The following BEGAIN variants were observed in gnomAD, a reference collection of about 807,000 sequenced individuals.
BEGAIN encodes brain enriched guanylate kinase associated, also known as brain-enriched guanylate kinase-associated protein.
A neutral mutation model predicts 35.8 loss-of-function variants in BEGAIN; 19 were observed. The ratio of observed to expected loss-of-function variants is 0.53; its 90% CI spans 0.37 to 0.78. The LOEUF (loss-of-function observed/expected upper bound fraction) is 0.78, where lower values mean the gene tolerates loss of function less well. Among genes scored for constraint, BEGAIN ranks in the 30% least tolerant of loss-of-function variants. BEGAIN has a pLI of 0.00. For synonymous variants in BEGAIN, 462 were observed against 388.6 expected (o/e 1.19, Z -2.22); for missense variants, 795 against 853.6 (o/e 0.93, Z 0.85).
At chr14:100,566,353 G>C (rs2034681020) in intron 2 of BEGAIN, among the ~76,000 whole-genome samples, 1 of 152,254 alleles carries the variant, frequency 6.6e-6, no homozygotes, top group Admixed American at 6.5e-5. Context: ...TCTGTCCTCA[G>C]TGCCTGGCAC....
intron 4 of BEGAIN, 137 bp downstream of exon 4, chr14:100,544,863 A>AGGGTGTTC (rs1191471191): frequency 1.1e-6 from 1 of 897,146 alleles, no homozygotes; most frequent in Non-Finnish European, 1.8e-6. Flanking sequence ...ACCCTGCTCC[A>AGGGTGTTC]CATGTTCCAT....
At chr14:100,541,651 G>A (rs1357797571) in intron 5 of BEGAIN, among the ~76,000 whole-genome samples, 5 of 152,150 alleles carry the variant, frequency 3.3e-5, no homozygotes, top group Non-Finnish European at 2.9e-5. Flanking sequence ...AGGGCTGCAG[G>A]CACTGCCCAG....
At chr14:100,574,455 G>A (rs1249736084) in intron 1 of BEGAIN, among the ~76,000 whole-genome samples, 4 of 151,382 alleles carry the variant, frequency 2.6e-5, no homozygotes, top group Non-Finnish European at 5.9e-5. Context: ...TGGTGACTGC[G>A]AACTGGCCTC....
rs2034004192 is a variant in BEGAIN at position 100,558,981 on chromosome 14, G to T, written c.71+8930C>A. On this transcript the variant is annotated intron_variant, in intron 2 of 6. Transcript: ENST00000554140. The surrounding 1 kb of genome is among the most constrained non-coding windows in gnomAD (Gnocchi z 4.6). ...TGTGGCCGGAGCCTGGGGCCTGGGG[G>T]TTGTTGGGGGGAGCAGACAAGGGGT... Among the ~76,000 whole-genome samples the T allele has an allele frequency of 6.6e-6, 1 of 152,136 alleles. No homozygotes were observed. Among genetic ancestry groups the T allele is most frequent in the African/African-American group, 2.4e-5 (1 of 41,420 alleles).
In BEGAIN at chr14:100,568,423, G is replaced by A. The variant is rs1407508385; in HGVS notation, c.43-484C>T. On this transcript the variant is annotated intron_variant, in intron 1 of 6. Transcript: ENST00000554140. This position sits in a 1 kb window ranked among gnomAD's most constrained non-coding sequence, Gnocchi z 7.5. The stretch of plus-strand genomic sequence containing the variant: ...TGTTGGGGAATTCGGGGCCGTGCAG[G>A]ATTGCAGAACCTGACACTCACACAA... 7.8e-7 allele frequency: 1 copy of A among 1,280,880 alleles called. No individual in the cohort carries two copies. The highest frequency in any genetic ancestry group is 1.0e-6 in the Non-Finnish European group (1 of 983,686). The allele number at this position is 1,280,880 out of a possible 1,614,324, so 79.3% of individuals were successfully genotyped here. A position where few individuals can be genotyped will look rare whatever the true frequency, so the allele number is the denominator to read the frequency against.
At position 100,563,783 on chromosome 14, in the gene BEGAIN, C is replaced by T. The variant is rs1316129162; in HGVS notation, c.71+4128G>A. 3.3e-5 allele frequency among the ~76,000 whole-genome samples: 5 copies of T among 152,220 alleles called. 1 individual carries two copies. Among genetic ancestry groups the T allele is most frequent in the Admixed American group, 1.3e-4 (2 of 15,290 alleles). Reference sequence around the variant, plus strand: ...GTTTCCTAAGGTGGCCCAGGCTGCACAGTGCCCGGCAGTCTGCCAGGGAAC... The same window carrying T: ...GTTTCCTAAGGTGGCCCAGGCTGCATAGTGCCCGGCAGTCTGCCAGGGAAC... On this transcript the variant is annotated intron_variant, in intron 2 of 6. Coordinates refer to ENST00000554140, the MANE Select transcript of BEGAIN (RefSeq NM_001385089.1). The surrounding 1 kb of genome is among the most constrained non-coding windows in gnomAD (Gnocchi z 4.2).
intron 2 of BEGAIN, among the ~76,000 whole-genome samples, chr14:100,557,286 G>A (rs116543082): frequency 0.018 from 2,721 of 152,328 alleles, 78 homozygotes; most frequent in African/African-American, 0.057. Flanking sequence ...AGGAGGCATC[G>A]GGGCAGGGAA....
intron 2 of BEGAIN, chr14:100,546,970 C>T (rs2032608290): frequency 7.6e-6 from 2 of 263,306 alleles, no homozygotes; most frequent in African/African-American, 4.5e-5. Context: ...AGTCTTTGAC[C>T]CCAGAACCTG....
chr14:100,538,007 G>A lies in BEGAIN; in HGVS notation c.1801C>T (p.Leu601Phe), dbSNP rs1171866184. 6.2e-7 allele frequency: 1 copy of A among 1,609,590 alleles called. No homozygotes were observed. Residue 601 changes from leucine (L) to phenylalanine (F), a missense_variant, in exon 7 of 7, where the codon CTC becomes TTC. Coordinates refer to ENST00000554140, the MANE Select transcript of BEGAIN (RefSeq NM_001385089.1). The stretch of plus-strand genomic sequence containing the variant: ...GTTCCGTAGAGCTGGGCCTTGGTGA[G>A]GCTGTCCTTGCGGCTCAGCCCCGAG... ...GGSGLSRKDS[L>F]TKAQLYGTLL...
chr14:100,574,615 T>C (rs1293446000), intron 1 of BEGAIN, among the ~76,000 whole-genome samples: 6 of 152,128 alleles, frequency 3.9e-5, no homozygotes, highest in Non-Finnish European at 7.4e-5. Flanking sequence ...CTGAAAATTT[T>C]GGAAGATCTG....
At chr14:100,584,099 C>T (rs951381206) in intron 1 of BEGAIN, among the ~76,000 whole-genome samples, 3 of 152,194 alleles carry the variant, frequency 2.0e-5, no homozygotes, top group Non-Finnish European at 2.9e-5. Flanking sequence ...AGCATGCCTG[C>T]GTTGCTTCTC....
rs771288091 is a variant in BEGAIN at position 100,538,047 on chromosome 14, A to G, written c.1761T>C (p.Phe587=). The G allele has an allele frequency of 1.2e-6, 2 of 1,607,436 alleles. No homozygotes were observed. The highest frequency in any genetic ancestry group is 1.3e-5 in the African/African-American group (1 of 74,650). Residue 587 remains phenylalanine, a synonymous_variant, in exon 7 of 7, where the codon TTT becomes TTC. Coordinates refer to ENST00000554140, the MANE Select transcript of BEGAIN (RefSeq NM_001385089.1). ...TCAGCCCCGAGCCACCAGTCCGCGG[A>G]AAGGCCTGCTGGGGGCTGAGGCGGG... ...PAARLSPQQA[F]PRTGGSGLSR...
chr14:100,551,654 G>A (rs2033210172), intron 2 of BEGAIN, among the ~76,000 whole-genome samples: 1 of 152,192 alleles, frequency 6.6e-6, no homozygotes, highest in Non-Finnish European at 1.5e-5. Context: ...ATTTTCTACA[G>A]TGAGGATGAA....
In BEGAIN at chr14:100,545,312, C is replaced by A. The variant is rs574924214; in HGVS notation, c.234-246G>T. 4.5e-6 allele frequency: 6 copies of A among 1,346,092 alleles called. No homozygotes were observed. The East Asian group carries it at 1.7e-4, about 39-fold the overall frequency. The allele number at this position is 1,346,092 out of a possible 1,614,324, so 83.4% of individuals were successfully genotyped here. ...TGTATTTCCCCCTCCACCCCGGGAC[C>A]CCCTGAAGATGGGAAGGGAAGGCTT... On this transcript the variant is annotated intron_variant, in intron 3 of 6. Coordinates refer to ENST00000554140, the MANE Select transcript of BEGAIN (RefSeq NM_001385089.1).
At chr14:100,539,610 C>T (rs532484833) in intron 6 of BEGAIN, among the ~76,000 whole-genome samples, 8 of 152,186 alleles carry the variant, frequency 5.3e-5, no homozygotes, top group East Asian at 1.9e-4. Flanking sequence ...CTGGAGAAGC[C>T]GGAACCCAGG....
rs1164264356 is a variant in BEGAIN at position 100,573,896 on chromosome 14, T to C, written c.43-5957A>G. ...GACAGAGCCCGGGACTCTGCCACTG[T>C]TGGGGATCAGGAGGTGAGCAGGACC... On this transcript the variant is annotated intron_variant, in intron 1 of 6. Coordinates refer to ENST00000554140, the MANE Select transcript of BEGAIN (RefSeq NM_001385089.1). This position sits in a 1 kb window ranked among gnomAD's most constrained non-coding sequence, Gnocchi z 4.2. Among the ~76,000 whole-genome samples the C allele has an allele frequency of 5.3e-5, 8 of 150,966 alleles. No homozygotes were observed. The South Asian group carries it at 1.5e-3, about 28-fold the overall frequency.
intron 6 of BEGAIN, 164 bp downstream of exon 6, chr14:100,540,332 C>A: frequency 1.6e-6 from 1 of 624,286 alleles, no homozygotes; most frequent in Non-Finnish European, 2.8e-6. Context: ...CCTTTGGCGG[C>A]CCCTCCAATG....
At chr14:100,550,080 G>A (rs556918055) in intron 2 of BEGAIN, among the ~76,000 whole-genome samples, 15 of 152,308 alleles carry the variant, frequency 9.8e-5, no homozygotes, top group African/African-American at 1.9e-4. Flanking sequence ...GTGCGTGTGC[G>A]TGCGCACGTG....
rs1478778441 is a variant in BEGAIN at position 100,563,151 on chromosome 14, A to T, written c.71+4760T>A. ...TTCTGCAGAGTGTCTCAGCCTGGAC[A>T]AGTGTCCGACATGGACAGGACCACA... On this transcript the variant is annotated intron_variant, in intron 2 of 6. Coordinates refer to ENST00000554140, the MANE Select transcript of BEGAIN (RefSeq NM_001385089.1). This position sits in a 1 kb window ranked among gnomAD's most constrained non-coding sequence, Gnocchi z 4.2. Among the ~76,000 whole-genome samples the T allele has an allele frequency of 6.6e-6, 1 of 152,226 alleles. No individual in the cohort carries two copies. Among genetic ancestry groups the T allele is most frequent in the Non-Finnish European group, 1.5e-5 (1 of 68,026 alleles).
Sources: allele counts gnomAD v4.1 joint callset (sites outside exome capture counted in the v4.1 genomes callset), GRCh38; gene constraint gnomAD v4.1.1; non-coding constraint Gnocchi (gnomAD v3.1); transcripts MANE v1.5; gene names NCBI Gene and HGNC (gene_info 2026-07-23, HGNC 2026-07-21).